Variants in DCHS2 observed in about 807,000 individuals in gnomAD.
The protein encoded by DCHS2 is protocadherin-23.
Under a neutral mutation model 182.4 loss-of-function variants are expected in DCHS2, and 142 were observed. The ratio of observed to expected loss-of-function variants is 0.78; its 90% confidence interval spans 0.68 to 0.89. The LOEUF (loss-of-function observed/expected upper bound fraction) is 0.89. Ranked by LOEUF, DCHS2 falls within the 40% of genes least tolerant of loss-of-function variation. The pLI, the probability that DCHS2 is intolerant of heterozygous loss-of-function variation, is 0.00. For missense variants in DCHS2, 4,319 were observed against 4,198.6 expected (o/e 1.03, Z -0.79); for synonymous variants, 1,740 against 1,663.3 (o/e 1.05, Z -1.12).
intron 1 of DCHS2, among the ~76,000 whole-genome samples, chr4:154,420,438 C>A (rs1483058660): frequency 1.3e-5 from 2 of 152,116 alleles, no homozygotes; most frequent in Non-Finnish European, 1.5e-5. Flanking sequence ...GAATGGCATA[C>A]CTCAGTACGT....
chr4:154,438,973 G>A (rs745645042), intron 1 of DCHS2, among the ~76,000 whole-genome samples: 96 of 152,156 alleles, frequency 6.3e-4, no homozygotes, highest in Non-Finnish European at 1.1e-3. Flanking sequence ...TTGAGTTTGT[G>A]GCTTTGTTAT....
rs1282940303 is a variant in DCHS2, at chr4:154,315,797, T to C, written c.5211A>G (p.Gln1737=). The C allele has an allele frequency of 2.5e-6, 4 of 1,614,080 alleles. No individual in the cohort carries two copies. The highest frequency in any genetic ancestry group is 3.4e-6 in the Non-Finnish European group (4 of 1,179,972). ...HLYEASVKEN[Q]NPGEFVTRVE... is the part of the protein sequence containing the mutation. ...CCCTGGTAACAAACTCCCCTGGATT[T>C]TGGTTTTCTTTCACTGAGGCTTCAT... is the stretch of plus-strand genomic sequence containing the variant. The change falls in exon 10 of 20, where the codon CAA becomes CAG. Residue 1737 remains glutamine, a synonymous_variant. Coordinates refer to ENST00000357232, the MANE Select transcript of DCHS2 (RefSeq NM_001358235.2).
At chr4:154,388,232 T>C (rs1334797973) in intron 1 of DCHS2, among the ~76,000 whole-genome samples, 1 of 152,068 alleles carries the variant, frequency 6.6e-6, no homozygotes, top group Non-Finnish European at 1.5e-5. Context: ...AAATTAAAAT[T>C]CATTCATAAG....
rs1364928815 is a variant in DCHS2 at position 154,357,171 on chromosome 4, TG to T, written c.2476+9038del. ...CATATAGGTGCTTTCATGGCCTTTT[TG>T]GTGAATGCTTCTGACTCTGGCTTTT... On this transcript the variant is annotated intron_variant, in intron 3 of 19. Coordinates refer to ENST00000357232, the MANE Select transcript of DCHS2 (RefSeq NM_001358235.2). 3.1e-6 allele frequency: 4 copies of T among 1,280,838 alleles called. No homozygotes were observed. In the South Asian group the frequency reaches 4.9e-5, roughly 16 times the overall value. 79.3% of individuals were successfully genotyped at this position (1,280,838 alleles called of 1,614,324 possible). A position where few individuals can be genotyped will look rare whatever the true frequency, so the allele number is the denominator to read the frequency against.
intron 9 of DCHS2, among the ~76,000 whole-genome samples, chr4:154,316,199 T>C (rs998646028): frequency 1.3e-5 from 2 of 152,186 alleles, no homozygotes; most frequent in African/African-American, 4.8e-5. Context: ...ATTTAAATTA[T>C]ATCAAACAAA....
chr4:154,326,361 G>T (rs1430153876), intron 7 of DCHS2, among the ~76,000 whole-genome samples: 1 of 152,128 alleles, frequency 6.6e-6, no homozygotes, highest in Non-Finnish European at 1.5e-5. Flanking sequence ...TTGGTTACTG[G>T]ACTATAATTA....
At position 154,232,239 on chromosome 4, in the gene DCHS2, C is replaced by A. The variant is rs1168744698; in HGVS notation, c.*2297G>T. On this transcript the variant is annotated 3_prime_UTR_variant, in exon 20 of 20. Transcript: ENST00000357232. Reference sequence around the variant, plus strand: ...TATATTGTTTACTTAGGAAAAAAAGCACTCTAGTTGAAAGAGCTGACATAC... The same window carrying A: ...TATATTGTTTACTTAGGAAAAAAAGAACTCTAGTTGAAAGAGCTGACATAC... 1 of 152,076 alleles carries A rather than the reference C, an allele frequency of 6.6e-6. No homozygotes were observed. The highest frequency in any genetic ancestry group is 2.4e-5 in the African/African-American group (1 of 41,424). The allele number at this position is 152,076 out of a possible 1,614,324, so 9.4% of individuals were successfully genotyped here.
intron 5 of DCHS2, chr4:154,331,766 G>A (rs746057039): frequency 1.3e-6 from 2 of 1,558,378 alleles, no homozygotes; most frequent in Non-Finnish European, 1.7e-6. Flanking sequence ...GACTTTGGGT[G>A]TACTACTCGA....
At chr4:154,318,779 C>G (rs898955333) in intron 9 of DCHS2, among the ~76,000 whole-genome samples, 11 of 152,110 alleles carry the variant, frequency 7.2e-5, no homozygotes, top group Non-Finnish European at 1.5e-4. Context: ...ACTACCCAAA[C>G]TGATCTACAG....
At chr4:154,349,553 C>A (rs1245542974) in intron 3 of DCHS2, among the ~76,000 whole-genome samples, 2 of 152,176 alleles carry the variant, frequency 1.3e-5, no homozygotes, top group African/African-American at 4.8e-5. Flanking sequence ...ATTATTTCTG[C>A]CTTCTCCTTA....
At chr4:154,423,390 C>T (rs891441171) in intron 1 of DCHS2, among the ~76,000 whole-genome samples, 3 of 152,174 alleles carry the variant, frequency 2.0e-5, no homozygotes, top group Admixed American at 6.6e-5. Context: ...CACTTCATTC[C>T]TTTTTATGAC....
At chr4:154,311,050 GA>G (rs968100005) in intron 10 of DCHS2, among the ~76,000 whole-genome samples, 2 of 152,038 alleles carry the variant, frequency 1.3e-5, no homozygotes, top group Admixed American at 6.6e-5. Context: ...TCCTTTAAAG[GA>G]AAAAGTTTTC....
chr4:154,281,760 T>A (rs1276228300), intron 13 of DCHS2, among the ~76,000 whole-genome samples: 1 of 152,156 alleles, frequency 6.6e-6, no homozygotes, highest in Non-Finnish European at 1.5e-5. Context: ...AGAGGCTTCA[T>A]ACTTACTGAC....
chr4:154,331,234 GTCTCCTGTAT>G (rs1736508391), intron 5 of DCHS2, among the ~76,000 whole-genome samples: 2 of 152,154 alleles, frequency 1.3e-5, no homozygotes, highest in Admixed American at 1.3e-4. Flanking sequence ...GTCAGGAATT[GTCTCCTGTAT>G]TCATGGTAAG....
chr4:154,347,658 G>A (rs1443366634), intron 3 of DCHS2, among the ~76,000 whole-genome samples: 1 of 151,778 alleles, frequency 6.6e-6, no homozygotes, highest in Non-Finnish European at 1.5e-5. Context: ...GGTATTAGAT[G>A]GGTAATTCCA....
rs1474585107 is a variant in DCHS2, at chr4:154,407,914, C to T, written c.2053-30470G>A. On this transcript the variant is annotated intron_variant, in intron 1 of 19. Coordinates refer to ENST00000357232, the MANE Select transcript of DCHS2 (RefSeq NM_001358235.2). ...CTCTTTTTTCATGACCCCTTTCCTC[C>T]TCATCTCCTTACAAATGCAAAAGTT... Among the ~76,000 whole-genome samples the T allele has an allele frequency of 2.0e-5, 3 of 152,126 alleles. No homozygotes were observed. In the East Asian group the frequency reaches 5.8e-4, roughly 29 times the overall value.
intron 1 of DCHS2, among the ~76,000 whole-genome samples, chr4:154,471,997 C>T (rs575176974): frequency 4.0e-4 from 61 of 151,590 alleles, no homozygotes; most frequent in African/African-American, 1.4e-3. Flanking sequence ...AAATATTGTA[C>T]GCCTCATGTC....
intron 13 of DCHS2, among the ~76,000 whole-genome samples, chr4:154,288,387 G>T (rs899822989): frequency 3.9e-5 from 6 of 152,100 alleles, no homozygotes; most frequent in African/African-American, 1.2e-4. Flanking sequence ...AAATATATAT[G>T]CACCCACCAC....
chr4:154,490,938 T>C lies in DCHS2; in HGVS notation c.418A>G (p.Ser140Gly), dbSNP rs189750850. The change falls in exon 1 of 20, where the codon AGC becomes GGC. Residue 140 changes from serine to glycine, a missense_variant. Coordinates refer to ENST00000357232, the MANE Select transcript of DCHS2 (RefSeq NM_001358235.2). ...CCCAGCAGCGTGGCGGCGACGAAGC[T>C]GTAGTGGTCCCGCCGCTCGCGGTCC... Reference protein sequence around the residue: ...RLDRERRDHYSFVAATLLGAV... With the variant: ...RLDRERRDHYGFVAATLLGAV... 896 of 1,550,578 alleles carry C rather than the reference T, an allele frequency of 5.8e-4. 7 individuals are homozygous for C. The African/African-American group carries it at 8.3e-3, about 14-fold the overall frequency.
Sources: allele counts gnomAD v4.1 joint callset (sites outside exome capture counted in the v4.1 genomes callset), GRCh38; gene constraint gnomAD v4.1.1; transcripts MANE v1.5; gene names NCBI Gene and HGNC (gene_info 2026-07-23, HGNC 2026-07-21).